Variants in MAGI2 observed in about 807,000 individuals in gnomAD.
The protein encoded by MAGI2 is membrane associated guanylate kinase, WW and PDZ domain containing 2.
A neutral mutation model predicts 133.3 loss-of-function variants in MAGI2; 35 were observed. The ratio of observed to expected loss-of-function variants is 0.26; its 90% CI spans 0.20 to 0.35. The LOEUF (loss-of-function observed/expected upper bound fraction) is 0.35. Among genes scored for constraint, MAGI2 ranks in the 10% least tolerant of loss-of-function variants. The pLI is 1.00. For missense variants in MAGI2, 1,636 were observed against 1,863.4 expected (o/e 0.88, Z 2.25); for synonymous variants, 729 against 710.6 (o/e 1.03, Z -0.41).
intron 1 of MAGI2, among the ~76,000 whole-genome samples, chr7:79,285,225 T>C (rs992073586): frequency 1.3e-5 from 2 of 152,082 alleles, no homozygotes; most frequent in Non-Finnish European, 2.9e-5. Context: ...AAATATCCAT[T>C]ACTAAGATGA....
chr7:78,133,846 C>T (rs1821815318), intron 17 of MAGI2, among the ~76,000 whole-genome samples: 2 of 152,112 alleles, frequency 1.3e-5, no homozygotes, highest in South Asian at 4.1e-4. Context: ...TCTTTTCTCT[C>T]TCTCTTTTTT....
At chr7:79,185,700 T>C (rs937854058) in intron 1 of MAGI2, among the ~76,000 whole-genome samples, 2 of 151,756 alleles carry the variant, frequency 1.3e-5, no homozygotes, top group South Asian at 4.1e-4. Flanking sequence ...GGTAAATATA[T>C]GCAAAGAACA....
chr7:78,898,532 CCTTAGCAAACTAACA>C (rs1797379647), intron 2 of MAGI2, among the ~76,000 whole-genome samples: 1 of 152,144 alleles, frequency 6.6e-6, no homozygotes, highest in Admixed American at 6.6e-5. Context: ...AGGCCATTCT[CCTTAGCAAACTAACA>C]CAGAAACAGA....
chr7:78,651,639 T>C (rs763497933), intron 2 of MAGI2, among the ~76,000 whole-genome samples: 6 of 152,110 alleles, frequency 3.9e-5, no homozygotes, highest in Admixed American at 1.3e-4. Context: ...GCAGAATAGA[T>C]TATGTATATT....
At chr7:78,474,050 T>C (rs1791495539) in intron 6 of MAGI2, among the ~76,000 whole-genome samples, 1 of 152,066 alleles carries the variant, frequency 6.6e-6, no homozygotes, top group Non-Finnish European at 1.5e-5. Context: ...TTACATACCC[T>C]GCAGCCCCAC....
At chr7:78,734,899 A>T (rs1821701828) in intron 2 of MAGI2, among the ~76,000 whole-genome samples, 1 of 152,168 alleles carries the variant, frequency 6.6e-6, no homozygotes, top group Non-Finnish European at 1.5e-5. Flanking sequence ...TGAACCCTGC[A>T]CACATATGAG....
chr7:78,108,713 T>A (rs1182337806), intron 20 of MAGI2, among the ~76,000 whole-genome samples: 2 of 117,262 alleles, frequency 1.7e-5, no homozygotes, highest in African/African-American at 2.6e-5. Flanking sequence ...TATGTGAGTG[T>A]ATATATGTGT....
intron 2 of MAGI2, among the ~76,000 whole-genome samples, chr7:78,784,609 A>G (rs1826656697): frequency 6.6e-6 from 1 of 152,210 alleles, no homozygotes; most frequent in South Asian, 2.1e-4. Context: ...AAGAAATGCT[A>G]TAACAGAGGC....
At chr7:78,373,458 A>C (rs925332924) in intron 6 of MAGI2, among the ~76,000 whole-genome samples, 1 of 152,174 alleles carries the variant, frequency 6.6e-6, no homozygotes, top group East Asian at 1.9e-4. Context: ...AGTGGGAGTT[A>C]TGGGGAGCCA....
intron 10 of MAGI2, among the ~76,000 whole-genome samples, chr7:78,243,890 TC>T (rs1791456436): frequency 1.3e-5 from 2 of 152,146 alleles, no homozygotes; most frequent in South Asian, 4.1e-4. Flanking sequence ...AACAACAGTG[TC>T]CTTGAGCAAA....
chr7:78,343,586 T>C (rs930904693), intron 9 of MAGI2, among the ~76,000 whole-genome samples, 192 bp downstream of exon 9: 1 of 152,220 alleles, frequency 6.6e-6, no homozygotes, highest in South Asian at 2.1e-4. Flanking sequence ...GCAAAAATTA[T>C]ATTCAAAATT....
At chr7:78,025,714 G>A (rs1308844732) in intron 21 of MAGI2, among the ~76,000 whole-genome samples, 1 of 152,162 alleles carries the variant, frequency 6.6e-6, no homozygotes, top group African/African-American at 2.4e-5. Context: ...TGAAGCGGGA[G>A]GGGAAATGAC....
intron 6 of MAGI2, among the ~76,000 whole-genome samples, chr7:78,421,703 C>G (rs898033036): frequency 6.6e-6 from 1 of 152,006 alleles, no homozygotes. Flanking sequence ...ACTCAGGAGG[C>G]TGAGGTGGGA....
intron 1 of MAGI2, among the ~76,000 whole-genome samples, chr7:79,425,998 A>C (rs1337135149): frequency 6.6e-6 from 1 of 152,198 alleles, no homozygotes; most frequent in Non-Finnish European, 1.5e-5. Flanking sequence ...TGATTGTTCA[A>C]TCTATTGCGT....
At chr7:78,397,174 T>G (rs1273801550) in intron 6 of MAGI2, among the ~76,000 whole-genome samples, 3 of 151,934 alleles carry the variant, frequency 2.0e-5, no homozygotes, top group Admixed American at 2.0e-4. Flanking sequence ...CTTAGAAGCC[T>G]TACTTTTTAA....
At chr7:78,687,986 A>G (rs1816538098) in intron 2 of MAGI2, among the ~76,000 whole-genome samples, 2 of 148,088 alleles carry the variant, frequency 1.4e-5, no homozygotes, top group Non-Finnish European at 1.5e-5. Context: ...AAAAAAAAAA[A>G]AAAAAAAAAA....
At chr7:78,049,107 CAAAAA>C (rs34719237) in intron 21 of MAGI2, among the ~76,000 whole-genome samples, 2 of 136,620 alleles carry the variant, frequency 1.5e-5, no homozygotes, top group Non-Finnish European at 1.6e-5. Context: ...GACTCCACCT[CAAAAA>C]AAAAAAAAAA....
At chr7:78,229,485 C>T (rs1331660090) in intron 10 of MAGI2, among the ~76,000 whole-genome samples, 2 of 152,152 alleles carry the variant, frequency 1.3e-5, no homozygotes, top group African/African-American at 4.8e-5. Flanking sequence ...GAAGAAACCA[C>T]ATACTGGGCT....
chr7:78,976,066 T>C (rs1413737856), intron 2 of MAGI2, among the ~76,000 whole-genome samples: 2 of 151,648 alleles, frequency 1.3e-5, no homozygotes, highest in Admixed American at 6.6e-5. Context: ...AGATTAGCAC[T>C]TTCCTACTGT....
Sources: allele counts gnomAD v4.1 joint callset (sites outside exome capture counted in the v4.1 genomes callset), GRCh38; gene constraint gnomAD v4.1.1; transcripts MANE v1.5; gene names NCBI Gene and HGNC (gene_info 2026-07-23, HGNC 2026-07-21).